Variants in CRIM1 observed in about 807,000 individuals in gnomAD.
CRIM1 encodes cysteine rich transmembrane BMP regulator 1.
CRIM1 carries 32 observed loss-of-function variants against 116.4 expected under a neutral mutation model. The observed-to-expected ratio is 0.27, with a 90% CI of 0.21 to 0.37. The LOEUF is 0.37. CRIM1 is among the 10% of genes least tolerant of loss of function. The probability of loss-of-function intolerance (pLI) is 1.00; values close to 1 mark genes in which losing one functional copy is unlikely to be tolerated. For missense variants in CRIM1, 1,331 were observed against 1,354.8 expected (o/e 0.98, Z 0.28); for synonymous variants, 590 against 509.2 (o/e 1.16, Z -2.13).
intron 8 of CRIM1, among the ~76,000 whole-genome samples, chr2:36,508,278 T>G (rs1043868209): frequency 6.6e-6 from 1 of 152,206 alleles, no homozygotes. Context: ...AATCACATTT[T>G]CCTTCTTAAA....
chr2:36,390,573 G>A (rs1202210064), intron 1 of CRIM1, among the ~76,000 whole-genome samples: 1 of 151,972 alleles, frequency 6.6e-6, no homozygotes, highest in Non-Finnish European at 1.5e-5. Flanking sequence ...TTTTTATGGG[G>A]GTTTTTTGTT....
intron 7 of CRIM1, among the ~76,000 whole-genome samples, chr2:36,494,072 G>A (rs1680415455): frequency 1.3e-5 from 2 of 152,180 alleles, no homozygotes; most frequent in African/African-American, 4.8e-5. Flanking sequence ...AAAGTAGAGA[G>A]CTTAGATTTG....
At chr2:36,431,942 G>A (rs570608530) in intron 2 of CRIM1, among the ~76,000 whole-genome samples, 1 of 152,306 alleles carries the variant, frequency 6.6e-6, no homozygotes, top group East Asian at 1.9e-4. Flanking sequence ...CCTCAGTGGA[G>A]GAAAAGTTGA....
At chr2:36,444,113 A>G (rs1284473831) in intron 4 of CRIM1, among the ~76,000 whole-genome samples, 1 of 152,218 alleles carries the variant, frequency 6.6e-6, no homozygotes, top group Non-Finnish European at 1.5e-5. Context: ...TATATTGGAG[A>G]ACCTAATTAA....
chr2:36,432,026 A>G (rs1164581502), intron 2 of CRIM1, among the ~76,000 whole-genome samples: 1 of 152,154 alleles, frequency 6.6e-6, no homozygotes, highest in Non-Finnish European at 1.5e-5. Flanking sequence ...CTTAATTTCT[A>G]ATGTTTATGC....
intron 1 of CRIM1, among the ~76,000 whole-genome samples, chr2:36,361,637 C>G (rs570037379): frequency 1.1e-4 from 17 of 152,184 alleles, no homozygotes; most frequent in African/African-American, 4.1e-4. Flanking sequence ...AAAACACATT[C>G]CAGACATTAA....
chr2:36,461,953 C>G (rs1228687799), intron 4 of CRIM1, among the ~76,000 whole-genome samples: 3 of 152,120 alleles, frequency 2.0e-5, no homozygotes, highest in African/African-American at 7.2e-5. Flanking sequence ...GATTAAGATG[C>G]TAATTTCACG....
chr2:36,416,564 G>T (rs1439839788), intron 2 of CRIM1, among the ~76,000 whole-genome samples: 4 of 152,230 alleles, frequency 2.6e-5, no homozygotes, highest in Non-Finnish European at 5.9e-5. Flanking sequence ...GAAAGGAAGA[G>T]ACATCACAGG....
At chr2:36,404,262 AATTG>A (rs1390560792) in intron 2 of CRIM1, among the ~76,000 whole-genome samples, 1 of 152,184 alleles carries the variant, frequency 6.6e-6, no homozygotes, top group Admixed American at 6.5e-5. Flanking sequence ...ATTAATTGTT[AATTG>A]ATTGGTTGAC....
chr2:36,522,195 C>T lies in CRIM1; in HGVS notation c.2310C>T (p.Asp770=), dbSNP rs769119378. The change falls in exon 13 of 17, where the codon GAC becomes GAT. Residue 770 remains aspartate, a synonymous_variant. Transcript: ENST00000280527. ...IFLAAESWKP[D]VCTSCICIDS... ...TGGCAGCTGAGTCCTGGAAGCCTGA[C>T]GTTTGTACCAGCTGCATCTGCATTG... 2.5e-6 allele frequency: 4 copies of T among 1,614,086 alleles called. No individual in the cohort carries two copies. Among genetic ancestry groups the T allele is most frequent in the East Asian group, 2.2e-5 (1 of 44,882 alleles).
chr2:36,522,816 G>C (rs66484476), intron 13 of CRIM1, among the ~76,000 whole-genome samples: 1 of 128,394 alleles, frequency 7.8e-6, no homozygotes, highest in Non-Finnish European at 1.6e-5. Context: ...AAAAAAAAAA[G>C]AAGAAGAAGA....
chr2:36,405,323 A>T (rs532379151), intron 2 of CRIM1, among the ~76,000 whole-genome samples: 3 of 152,180 alleles, frequency 2.0e-5, no homozygotes, highest in Non-Finnish European at 4.4e-5. Context: ...GAACCGCTTC[A>T]TGGAGACACT....
chr2:36,531,298 G>GAAATCCA (rs1666098824), intron 13 of CRIM1, among the ~76,000 whole-genome samples: 1 of 152,110 alleles, frequency 6.6e-6, no homozygotes, highest in Non-Finnish European at 1.5e-5. Flanking sequence ...CAGAAATCAA[G>GAAATCCA]AAATCCAACT....
At chr2:36,457,218 G>A (rs1283064887) in intron 4 of CRIM1, among the ~76,000 whole-genome samples, 1 of 152,016 alleles carries the variant, frequency 6.6e-6, no homozygotes, top group Non-Finnish European at 1.5e-5. Context: ...TTCTTTAGCG[G>A]TGATTTGTGA....
intron 2 of CRIM1, 53 bp from the exon 3 acceptor site, chr2:36,441,205 A>C (rs1373692874): frequency 6.2e-7 from 1 of 1,606,936 alleles, no homozygotes; most frequent in African/African-American, 1.3e-5. Flanking sequence ...TCTTCTGTTG[A>C]AAGTGCCCCA....
intron 14 of CRIM1, among the ~76,000 whole-genome samples, chr2:36,542,507 G>A (rs972946544): frequency 6.6e-6 from 1 of 152,144 alleles, no homozygotes; most frequent in African/African-American, 2.4e-5. Flanking sequence ...TCTCACTCAG[G>A]AAAAAACCTG....
At chr2:36,406,002 A>G (rs563050020) in intron 2 of CRIM1, among the ~76,000 whole-genome samples, 1 of 152,322 alleles carries the variant, frequency 6.6e-6, no homozygotes, top group East Asian at 1.9e-4. Flanking sequence ...CTTTACAAAT[A>G]TGTCTAAAAC....
chr2:36,441,041 G>GAGAAGA (rs1179687662), intron 2 of CRIM1, among the ~76,000 whole-genome samples: 1 of 152,182 alleles, frequency 6.6e-6, no homozygotes, highest in East Asian at 1.9e-4. Flanking sequence ...TAGGGAGACG[G>GAGAAGA]AGAAGAAGGG....
chr2:36,383,282 A>G (rs1473115118), intron 1 of CRIM1, among the ~76,000 whole-genome samples: 1 of 152,230 alleles, frequency 6.6e-6, no homozygotes, highest in Non-Finnish European at 1.5e-5. Context: ...AAATGTAAAA[A>G]TCTATAAAAA....
Sources: gnomAD v4.1 joint callset for allele counts (sites outside exome capture counted in the v4.1 genomes callset) on GRCh38, gnomAD v4.1.1 for gene constraint, MANE v1.5 for transcripts, NCBI Gene and HGNC (gene_info 2026-07-23, HGNC 2026-07-21) for gene names.